The following CHCHD3 variants were observed in gnomAD, a reference collection of about 807,000 sequenced individuals.
CHCHD3 encodes the protein MICOS complex subunit MIC19.
In CHCHD3, 20 loss-of-function variants were observed where a neutral mutation model predicts 38.2. The ratio of observed to expected loss-of-function variants is 0.52; its 90% CI spans 0.37 to 0.76. CHCHD3 has a LOEUF of 0.76. Among genes scored for constraint, CHCHD3 ranks in the 30% least tolerant of loss-of-function variants. CHCHD3 has a pLI of 0.00. For missense variants in CHCHD3, 245 were observed against 279.2 expected, an observed-to-expected ratio of 0.88 and a Z score of 0.87; for synonymous variants, 82 against 100.0, an observed-to-expected ratio of 0.82 and a Z score of 1.07.
chr7:132,808,858 T>A (rs1460204387), intron 6 of CHCHD3, among the ~76,000 whole-genome samples: 1 of 151,608 alleles, frequency 6.6e-6, no homozygotes, highest in Non-Finnish European at 1.5e-5. Context: ...TAGCATTAGG[T>A]ATATCTCCCA....
chr7:132,876,849 T>G (rs1178564898), intron 5 of CHCHD3, among the ~76,000 whole-genome samples: 1 of 152,150 alleles, frequency 6.6e-6, no homozygotes, highest in Non-Finnish European at 1.5e-5. Context: ...GCAGAGAGGA[T>G]GGCAGTTTAG....
chr7:132,886,484 A>C (rs1254999064), intron 4 of CHCHD3, among the ~76,000 whole-genome samples: 1 of 151,716 alleles, frequency 6.6e-6, no homozygotes, highest in African/African-American at 2.4e-5. Flanking sequence ...TAATGTTGGT[A>C]TCTTGAATAT....
chr7:132,900,554 CAACTAAAGAA>C (rs1809641211), intron 4 of CHCHD3, among the ~76,000 whole-genome samples: 1 of 151,940 alleles, frequency 6.6e-6, no homozygotes, highest in East Asian at 1.9e-4. Flanking sequence ...ATCTAGTGCT[CAACTAAAGAA>C]AACTACTGAC....
intron 4 of CHCHD3, among the ~76,000 whole-genome samples, chr7:132,918,543 C>T (rs2058943): frequency 0.71 from 108,557 of 152,144 alleles, 38,878 homozygotes; most frequent in African/African-American, 0.75. Flanking sequence ...AATTGTCTCA[C>T]ATGAGTATCA....
rs927773192 is a variant in CHCHD3, at chr7:133,078,165, A to C, written c.81+3692T>G. Reference sequence around the variant, plus strand: ...CTACTAAACATACAAAAAAGTTAGCAGGGCATGGTGGCACAGGCCTATAAT... The same window carrying C: ...CTACTAAACATACAAAAAAGTTAGCCGGGCATGGTGGCACAGGCCTATAAT... On this transcript the variant is annotated intron_variant, in intron 1 of 7. Transcript: ENST00000262570. 4.6e-5 allele frequency among the ~76,000 whole-genome samples: 7 copies of C among 152,126 alleles called. No individual in the cohort carries two copies. In the East Asian group the frequency reaches 1.2e-3, roughly 25 times the overall value.
At chr7:132,997,792 C>T (rs1394363580) in intron 3 of CHCHD3, among the ~76,000 whole-genome samples, 1 of 151,790 alleles carries the variant, frequency 6.6e-6, no homozygotes, top group African/African-American at 2.4e-5. Context: ...CAAAAGTTTC[C>T]CAGTTACTCT....
chr7:133,072,768 G>A (rs544353452), intron 1 of CHCHD3, among the ~76,000 whole-genome samples: 3 of 151,658 alleles, frequency 2.0e-5, no homozygotes, highest in South Asian at 4.2e-4. Flanking sequence ...GAACCCGGGA[G>A]GCAGAGCTTG....
At chr7:132,790,997 T>A (rs1324856450) in intron 7 of CHCHD3, among the ~76,000 whole-genome samples, 1 of 152,216 alleles carries the variant, frequency 6.6e-6, no homozygotes, top group African/African-American at 2.4e-5. Flanking sequence ...CTCTGCCAGG[T>A]AGCTTTGACC....
chr7:132,825,977 C>T (rs1234920206), intron 6 of CHCHD3, among the ~76,000 whole-genome samples: 14 of 152,220 alleles, frequency 9.2e-5, no homozygotes, highest in Non-Finnish European at 1.9e-4. Flanking sequence ...CTGAACATGT[C>T]TACTATAATT....
chr7:132,984,298 C>T (rs1182048848), intron 3 of CHCHD3, among the ~76,000 whole-genome samples: 1 of 151,704 alleles, frequency 6.6e-6, no homozygotes, highest in Admixed American at 6.6e-5. Flanking sequence ...CTCCTAACCG[C>T]GAGTGATCCG....
chr7:133,065,289 C>T (rs937858041), intron 2 of CHCHD3, among the ~76,000 whole-genome samples: 4 of 152,046 alleles, frequency 2.6e-5, no homozygotes, highest in South Asian at 2.1e-4. Flanking sequence ...CTTACTGCAA[C>T]GAGCCACTGA....
chr7:132,843,707 T>C (rs1216298850), intron 5 of CHCHD3, among the ~76,000 whole-genome samples: 1 of 152,210 alleles, frequency 6.6e-6, no homozygotes, highest in East Asian at 1.9e-4. Context: ...TGTCTTGAGA[T>C]GGTAATAGGT....
chr7:132,910,237 T>G (rs1158190120), intron 4 of CHCHD3, among the ~76,000 whole-genome samples: 1 of 152,170 alleles, frequency 6.6e-6, no homozygotes, highest in African/African-American at 2.4e-5. Flanking sequence ...CGGTAAAACT[T>G]GCCAAGGGCA....
At chr7:133,065,707 C>T (rs1487115191) in intron 2 of CHCHD3, among the ~76,000 whole-genome samples, 1 of 152,006 alleles carries the variant, frequency 6.6e-6, no homozygotes, top group Non-Finnish European at 1.5e-5. Context: ...TTATTGAGTA[C>T]TAACTAAAAC....
chr7:132,872,821 G>T (rs1191429669), intron 5 of CHCHD3, among the ~76,000 whole-genome samples: 1 of 152,150 alleles, frequency 6.6e-6, no homozygotes, highest in African/African-American at 2.4e-5. Flanking sequence ...TAAAGAGGGG[G>T]AGGGCCGGAC....
chr7:132,808,574 C>G (rs1806989794), intron 6 of CHCHD3, among the ~76,000 whole-genome samples: 1 of 152,138 alleles, frequency 6.6e-6, no homozygotes, highest in South Asian at 2.1e-4. Context: ...TCTGACGATC[C>G]TTTTAGATTC....
At chr7:133,046,524 T>C (rs745494474) in intron 2 of CHCHD3, among the ~76,000 whole-genome samples, 2 of 152,192 alleles carry the variant, frequency 1.3e-5, no homozygotes, top group African/African-American at 4.8e-5. Flanking sequence ...CTTGGGTTTT[T>C]TTAATTATAT....
intron 5 of CHCHD3, among the ~76,000 whole-genome samples, chr7:132,852,266 G>GT (rs1315770520): frequency 6.6e-6 from 1 of 152,138 alleles, no homozygotes; most frequent in East Asian, 1.9e-4. Flanking sequence ...CAGGCCAGGG[G>GT]TAAGTCCTAG....
intron 6 of CHCHD3, 96 bp from the exon 7 acceptor site, chr7:132,796,673 T>A (rs1024785758): frequency 5.6e-6 from 6 of 1,063,874 alleles, no homozygotes; most frequent in Admixed American, 2.4e-5. Flanking sequence ...AAGACACAGA[T>A]GTTGCAAATG....
Sources: gnomAD v4.1 joint callset for allele counts (sites outside exome capture counted in the v4.1 genomes callset) on GRCh38, gnomAD v4.1.1 for gene constraint, MANE v1.5 for transcripts, NCBI Gene and HGNC (gene_info 2026-07-23, HGNC 2026-07-21) for gene names.